The following SPOCK3 variants were observed in gnomAD, a reference collection of about 807,000 sequenced individuals.
SPOCK3 encodes SPARC (osteonectin), cwcv and kazal like domains proteoglycan 3.
SPOCK3 carries 30 observed loss-of-function variants against 56.6 expected under a neutral mutation model. That is an observed-to-expected ratio of 0.53 (90% confidence interval 0.40 to 0.72). The LOEUF is 0.72. Among genes scored for constraint, SPOCK3 ranks in the 30% least tolerant of loss-of-function variants. SPOCK3 has a pLI of 0.00. For missense variants in SPOCK3, 527 were observed against 530.0 expected (o/e 0.99, Z 0.06); for synonymous variants, 196 against 183.3 (o/e 1.07, Z -0.56).
In SPOCK3 at chr4:166,776,416, CAAAAG is replaced by C. The variant is rs538324777; in HGVS notation, c.709+15749_709+15753del. ...GACAGAGTGAGACTCCATCTCAAAA[CAAAAG>C]AAAACAAAAAAACAACAAACAAACA... On this transcript the variant is annotated intron_variant, in intron 7 of 10. Coordinates refer to ENST00000357545, the MANE Select transcript of SPOCK3 (RefSeq NM_001040159.2). 4.4e-3 allele frequency among the ~76,000 whole-genome samples: 655 copies of C among 149,740 alleles called. 2 individuals are homozygous for C. Among genetic ancestry groups the C allele is most frequent in the African/African-American group, 0.015 (619 of 41,324 alleles).
chr4:167,015,279 A>G (rs1460671289), intron 3 of SPOCK3, among the ~76,000 whole-genome samples: 1 of 152,108 alleles, frequency 6.6e-6, no homozygotes. Context: ...GGGTTTCACT[A>G]CTGGAATCTA....
intron 6 of SPOCK3, among the ~76,000 whole-genome samples, chr4:166,863,739 C>T (rs767864206): frequency 1.6e-4 from 25 of 152,072 alleles, no homozygotes; most frequent in Non-Finnish European, 3.2e-4. Context: ...AGCTAACTAT[C>T]CTAAATATAT....
At chr4:166,956,744 C>T (rs546484315) in intron 4 of SPOCK3, among the ~76,000 whole-genome samples, 13 of 152,196 alleles carry the variant, frequency 8.5e-5, no homozygotes, top group African/African-American at 2.2e-4. Flanking sequence ...TCATACCCAA[C>T]GCCCTCAATT....
intron 3 of SPOCK3, among the ~76,000 whole-genome samples, chr4:167,044,212 A>G (rs1753505832): frequency 6.6e-6 from 1 of 151,986 alleles, no homozygotes; most frequent in Non-Finnish European, 1.5e-5. Flanking sequence ...CATCTAAGTT[A>G]CCAAATTTGT....
chr4:166,998,394 T>C (rs928793806), intron 4 of SPOCK3, among the ~76,000 whole-genome samples: 28 of 152,178 alleles, frequency 1.8e-4, no homozygotes, highest in African/African-American at 6.8e-4. Context: ...TATCAGTTTC[T>C]GATAGTCTTT....
At chr4:167,125,578 T>A (rs528831615) in intron 2 of SPOCK3, among the ~76,000 whole-genome samples, 1 of 145,780 alleles carries the variant, frequency 6.9e-6, no homozygotes, top group Non-Finnish European at 1.5e-5. Flanking sequence ...GCCGGGCGTG[T>A]TGGCGGGCGC....
chr4:167,082,822 A>T (rs1410334941), intron 2 of SPOCK3, among the ~76,000 whole-genome samples: 13 of 146,940 alleles, frequency 8.8e-5, no homozygotes, highest in Non-Finnish European at 6.0e-5. Flanking sequence ...GGAGGGAGGG[A>T]AGACAGAGGG....
intron 2 of SPOCK3, among the ~76,000 whole-genome samples, chr4:167,098,829 C>T (rs1429911669): frequency 6.6e-6 from 1 of 151,994 alleles, no homozygotes; most frequent in Non-Finnish European, 1.5e-5. Context: ...CATCTTCATG[C>T]CAAATATTCC....
chr4:167,116,662 G>GTATAATATACACGTATATAC (rs2150356824), intron 2 of SPOCK3, among the ~76,000 whole-genome samples: 2 of 62,924 alleles, frequency 3.2e-5, no homozygotes, highest in Admixed American at 3.0e-4. Context: ...ACATATATAC[G>GTATAATATACACGTATATAC]TATATAGTAT....
At chr4:167,203,006 T>C (rs930125665) in intron 2 of SPOCK3, among the ~76,000 whole-genome samples, 2 of 151,416 alleles carry the variant, frequency 1.3e-5, no homozygotes, top group Admixed American at 6.6e-5. Flanking sequence ...GATATTTGTA[T>C]TGATGCATAC....
intron 7 of SPOCK3, among the ~76,000 whole-genome samples, chr4:166,777,311 G>GGTATTTTGCAATTTTGTAAATA (rs1579197914): frequency 1.3e-5 from 2 of 152,270 alleles, no homozygotes; most frequent in East Asian, 3.9e-4. Context: ...ACATTCCCAA[G>GGTATTTTGCAATTTTGTAAATA]TTAGGTAAAA....
chr4:166,899,808 C>T (rs1302642452), intron 5 of SPOCK3, among the ~76,000 whole-genome samples: 1 of 152,140 alleles, frequency 6.6e-6, no homozygotes, highest in Non-Finnish European at 1.5e-5. Context: ...AGCCACTGTG[C>T]CCAGCCCCTG....
At chr4:167,116,632 C>T (rs1281647223) in intron 2 of SPOCK3, among the ~76,000 whole-genome samples, 1 of 122,394 alleles carries the variant, frequency 8.2e-6, no homozygotes, top group African/African-American at 3.2e-5. Flanking sequence ...TACATATATA[C>T]TATATACGTA....
At chr4:166,860,505 T>A (rs1196387250) in intron 6 of SPOCK3, among the ~76,000 whole-genome samples, 2 of 151,998 alleles carry the variant, frequency 1.3e-5, no homozygotes, top group Non-Finnish European at 2.9e-5. Context: ...TATAAATGTT[T>A]AAGTGCTGCA....
intron 2 of SPOCK3, among the ~76,000 whole-genome samples, chr4:167,197,786 C>T (rs1580588431): frequency 6.6e-6 from 1 of 152,016 alleles, no homozygotes; most frequent in South Asian, 2.1e-4. Flanking sequence ...GAAGTGAATC[C>T]CCAATGGCCT....
rs1733768025 is a variant in SPOCK3, at chr4:166,882,353, G to A, written c.589+6777C>T. On this transcript the variant is annotated intron_variant, in intron 6 of 10. Coordinates refer to ENST00000357545, the MANE Select transcript of SPOCK3 (RefSeq NM_001040159.2). Reference sequence around the variant, plus strand: ...ACATATCCATTTTAAACCAAGAAATGCTCAGTTTCTGATTTCATCTTCTGG... The same window carrying A: ...ACATATCCATTTTAAACCAAGAAATACTCAGTTTCTGATTTCATCTTCTGG... 2.6e-5 allele frequency among the ~76,000 whole-genome samples: 4 copies of A among 152,212 alleles called. No homozygotes were observed. In the South Asian group the frequency reaches 8.3e-4, roughly 32 times the overall value.
intron 2 of SPOCK3, among the ~76,000 whole-genome samples, chr4:167,214,566 T>C (rs1019577397): frequency 6.6e-6 from 1 of 152,164 alleles, no homozygotes; most frequent in Non-Finnish European, 1.5e-5. Flanking sequence ...CAAGTGATTG[T>C]TCTTACCATT....
intron 7 of SPOCK3, among the ~76,000 whole-genome samples, chr4:166,768,881 C>G (rs572282075): frequency 6.6e-6 from 1 of 152,226 alleles, no homozygotes; most frequent in East Asian, 1.9e-4. Context: ...AAGCTTTGTT[C>G]ATTTCTTTTT....
chr4:166,841,184 A>G (rs918371722), intron 6 of SPOCK3, among the ~76,000 whole-genome samples: 1 of 152,166 alleles, frequency 6.6e-6, no homozygotes, highest in African/African-American at 2.4e-5. Context: ...GGAGACCGAC[A>G]TAAACACGCT....
Sources: allele counts gnomAD v4.1 joint callset (sites outside exome capture counted in the v4.1 genomes callset), GRCh38; gene constraint gnomAD v4.1.1; transcripts MANE v1.5; gene names NCBI Gene and HGNC (gene_info 2026-07-23, HGNC 2026-07-21).